RNPEP: variants seen among roughly 807,000 people sequenced by gnomAD.
RNPEP encodes aminopeptidase B.
A neutral mutation model predicts 70.1 loss-of-function variants in RNPEP; 57 were observed. That is an observed-to-expected ratio of 0.81 (90% CI 0.66 to 1.01). The LOEUF (loss-of-function observed/expected upper bound fraction) is 1.01. Among genes scored for constraint, RNPEP ranks in the 50% least tolerant of loss-of-function variants. RNPEP has a pLI of 0.00. For missense variants in RNPEP, 787 were observed against 852.4 expected (o/e 0.92, Z 0.96); for synonymous variants, 335 against 357.4 (o/e 0.94, Z 0.71).
At chr1:201,984,018 C>T (rs1398348858) in intron 1 of RNPEP, 34 of 318,818 alleles carry the variant, frequency 1.1e-4, no homozygotes, top group Non-Finnish European at 1.5e-4. Context: ...GCAACCTCTG[C>T]GTCGTGGGTT....
intron 3 of RNPEP, among the ~76,000 whole-genome samples, chr1:201,989,967 C>T (rs575664976): frequency 6.6e-6 from 1 of 152,174 alleles, no homozygotes; most frequent in Admixed American, 6.5e-5. Context: ...GCCCCAGCCT[C>T]CCAAGTAACT....
chr1:201,996,838 G>C (rs990143536), intron 4 of RNPEP, among the ~76,000 whole-genome samples: 1 of 152,146 alleles, frequency 6.6e-6, no homozygotes, highest in African/African-American at 2.4e-5. Context: ...CAGTTGCCAA[G>C]TTTGAGATGG....
At chr1:201,994,836 T>C (rs1683489460) in intron 3 of RNPEP, among the ~76,000 whole-genome samples, 1 of 140,966 alleles carries the variant, frequency 7.1e-6, no homozygotes, top group Non-Finnish European at 1.6e-5. Context: ...CCTGCTAATT[T>C]TTTTTTTTTT....
At chr1:201,986,663 C>T (rs1364939671) in intron 1 of RNPEP, among the ~76,000 whole-genome samples, 1 of 151,694 alleles carries the variant, frequency 6.6e-6, no homozygotes, top group Admixed American at 6.6e-5. Flanking sequence ...CCCTCAGCCT[C>T]CGAAGTAGCT....
chr1:202,002,974 G>C, intron 8 of RNPEP: 1 of 432,072 alleles, frequency 2.3e-6, no homozygotes. Flanking sequence ...CACGTGAATA[G>C]AGCATCCACC....
At chr1:201,989,770 G>T (rs1683257128) in intron 3 of RNPEP, among the ~76,000 whole-genome samples, 1 of 152,038 alleles carries the variant, frequency 6.6e-6, no homozygotes, top group Non-Finnish European at 1.5e-5. Context: ...CATCATCCCT[G>T]CTAGCAGTAG....
intron 3 of RNPEP, among the ~76,000 whole-genome samples, chr1:201,992,346 A>G (rs1683370836): frequency 2.0e-5 from 3 of 151,794 alleles, no homozygotes; most frequent in Non-Finnish European, 4.4e-5. Context: ...GGGTTTCTTG[A>G]CCTCTACTCA....
Position 202,005,748 on chromosome 1 carries a change from G to T in RNPEP, c.*32G>T. 6.2e-7 allele frequency: 1 copy of T among 1,607,484 alleles called. No individual in the cohort carries two copies. The highest frequency in any genetic ancestry group is 8.5e-7 in the Non-Finnish European group (1 of 1,174,688). ...GTGTGCATGGCCCCTGCCTCTTCAG[G>T]CTCTCCAGGCTTTCAGAATAATTGT... On this transcript the variant is annotated 3_prime_UTR_variant, in exon 11 of 11. Transcript: ENST00000295640.
intron 8 of RNPEP, among the ~76,000 whole-genome samples, chr1:202,002,113 T>C (rs986104246): frequency 6.6e-6 from 1 of 151,788 alleles, no homozygotes; most frequent in Non-Finnish European, 1.5e-5. Context: ...TACAGCCTTC[T>C]GAGTGAAGGC....
At chr1:201,999,095 T>C (rs1357740716) in intron 5 of RNPEP, among the ~76,000 whole-genome samples, 1 of 151,888 alleles carries the variant, frequency 6.6e-6, no homozygotes, top group African/African-American at 2.4e-5. Context: ...TGTGTGCCTG[T>C]AGTCCCAGCT....
At chr1:201,984,138 G>C (rs1016928357) in intron 1 of RNPEP, among the ~76,000 whole-genome samples, 2 of 152,246 alleles carry the variant, frequency 1.3e-5, no homozygotes, top group Non-Finnish European at 2.9e-5. Context: ...CACCATTTTG[G>C]TCAGGCTGGT....
rs544360869 is a variant in RNPEP, at chr1:201,996,188, A to G, written c.779A>G (p.Lys260Arg). The G allele has an allele frequency of 6.2e-7, 1 of 1,614,198 alleles. No individual in the cohort carries two copies. Among genetic ancestry groups the G allele is most frequent in the Non-Finnish European group, 8.5e-7 (1 of 1,180,030 alleles). ...WAEPCLIDAA[K>R]EEYNGVIEEF... ...GAGCCCTGCCTGATTGATGCTGCCA[A>G]GGAGGAGTACAACGGGGTGATAGAA... Residue 260 changes from lysine (K) to arginine (R), a missense_variant, in exon 4 of 11, where the codon AAG (lysine) becomes AGG (arginine). Transcript: ENST00000295640.
At chr1:202,001,952 C>A (rs188732755) in intron 8 of RNPEP, among the ~76,000 whole-genome samples, 185 bp downstream of exon 8, 1 of 152,082 alleles carries the variant, frequency 6.6e-6, no homozygotes, top group Non-Finnish European at 1.5e-5. Flanking sequence ...TCACTCCTCT[C>A]TGCCTCATTT....
At chr1:202,004,909 G>C (rs1683990995) in intron 10 of RNPEP, among the ~76,000 whole-genome samples, 2 of 152,230 alleles carry the variant, frequency 1.3e-5, no homozygotes, top group East Asian at 1.9e-4. Flanking sequence ...CAGACCCTCT[G>C]TCACTATGTG....
Position 202,004,761 on chromosome 1 carries a change from C to CGCAGAG in RNPEP, c.1794+268_1794+273dup, listed in dbSNP as rs1648177255. Among the ~76,000 whole-genome samples, 3 of 152,196 alleles carry CGCAGAG rather than the reference C, an allele frequency of 2.0e-5. No individual in the cohort carries two copies. The South Asian group carries it at 6.2e-4, about 32-fold the overall frequency. On this transcript the variant is annotated intron_variant, in intron 10 of 10. Coordinates refer to ENST00000295640, the MANE Select transcript of RNPEP (RefSeq NM_020216.4). The stretch of plus-strand genomic sequence containing the variant: ...AGGGAAAAAAGCTGGCCAGAGCCAA[C>CGCAGAG]GCAGAGGCGGGAAAGAGGGTGACAG...
rs1164038149 is a variant in RNPEP, at chr1:202,003,282, A to T, written c.1472A>T (p.Tyr491Phe). 6.2e-7 allele frequency: 1 copy of T among 1,613,616 alleles called. No homozygotes were observed. Among genetic ancestry groups the T allele is most frequent in the Non-Finnish European group, 8.5e-7 (1 of 1,179,948 alleles). ...RWLNTPGWPP[Y>F]LPDLSPGDSL... ...CTGAATACCCCCGGCTGGCCCCCGT[A>T]CCTCCCTGATCTCTCCCCTGGGGAC... The change falls in exon 9 of 11, where the codon TAC (tyrosine) becomes TTC (phenylalanine). Residue 491 changes from tyrosine to phenylalanine, a missense_variant. By Grantham distance (22) the Tyr-to-Phe change is conservative. Transcript: ENST00000295640.
rs1297896934 is a variant in RNPEP at position 201,999,937 on chromosome 1, C to T, written c.1126C>T (p.Arg376Trp). The T allele has an allele frequency of 3.7e-6, 6 of 1,613,638 alleles. No homozygotes were observed. The highest frequency in any genetic ancestry group is 1.3e-5 in the African/African-American group (1 of 74,890). The change falls in exon 6 of 11, where the codon CGG (arginine) becomes TGG (tryptophan). Residue 376 changes from arginine (R) to tryptophan (W), a missense_variant. By Grantham distance (101) the Arg-to-Trp change is moderately radical (BLOSUM62 -3). Coordinates refer to ENST00000295640, the MANE Select transcript of RNPEP (RefSeq NM_020216.4). ...AYTCLEAATG[R>W]ALLRQHMDIT... ...CACCTGCTTGGAGGCTGCAACGGGGCGGGCTCTGCTGCGTCAGCACATGGA... is the reference window on the plus strand; with the variant it reads ...CACCTGCTTGGAGGCTGCAACGGGGTGGGCTCTGCTGCGTCAGCACATGGA...
chr1:201,982,834 C>T lies in RNPEP; in HGVS notation c.168C>T (p.Ser56=). The change falls in exon 1 of 11, where the codon AGC becomes AGT. Residue 56 remains serine (S), a synonymous_variant. Coordinates refer to ENST00000295640, the MANE Select transcript of RNPEP (RefSeq NM_020216.4). ...GGCCTCCAGGGCCCGGCGCAGGGAG[C>T]CGGGGGCTGAGCGGCACCGCGGTCC... ...EFGPPGPGAG[S]RGLSGTAVLD... 5 of 1,342,380 alleles carry T rather than the reference C, an allele frequency of 3.7e-6. No individual in the cohort carries two copies. Among genetic ancestry groups the T allele is most frequent in the Non-Finnish European group, 4.8e-6 (5 of 1,048,142 alleles). 83.2% of individuals were successfully genotyped at this position (1,342,380 alleles called of 1,614,324 possible).
intron 1 of RNPEP, chr1:201,983,749 G>C: frequency 1.8e-6 from 2 of 1,109,408 alleles, no homozygotes; most frequent in Non-Finnish European, 2.2e-6. Context: ...TCTCACTGTT[G>C]GTTAACTCTT....
Sources: gnomAD v4.1 joint callset for allele counts (sites outside exome capture counted in the v4.1 genomes callset) on GRCh38, gnomAD v4.1.1 for gene constraint, MANE v1.5 for transcripts, NCBI Gene and HGNC (gene_info 2026-07-23, HGNC 2026-07-21) for gene names.